The following ARHGAP26 variants were observed in gnomAD, a reference collection of about 807,000 sequenced individuals.
ARHGAP26 encodes the protein Rho GTPase activating protein 26.
ARHGAP26 carries 38 observed loss-of-function variants against 104.8 expected under a neutral mutation model. The ratio of observed to expected loss-of-function variants is 0.36; its 90% CI spans 0.28 to 0.48. The LOEUF is 0.48. ARHGAP26 is among the 20% of genes least tolerant of loss of function. The pLI is 0.99. For synonymous variants in ARHGAP26, 341 were observed against 340.0 expected (o/e 1.00, Z -0.03); for missense variants, 704 against 947.9 (o/e 0.74, Z 3.38).
chr5:142,836,798 C>T (rs953091962), intron 1 of ARHGAP26, among the ~76,000 whole-genome samples: 5 of 152,208 alleles, frequency 3.3e-5, no homozygotes, highest in Admixed American at 1.3e-4. Context: ...AGGCATTTTA[C>T]AGGTATTATT....
chr5:143,015,400 T>C (rs1779446363), intron 12 of ARHGAP26, among the ~76,000 whole-genome samples: 1 of 152,226 alleles, frequency 6.6e-6, no homozygotes, highest in Non-Finnish European at 1.5e-5. Context: ...TCTGGAGACC[T>C]AGGAACCCGG....
At chr5:142,792,361 G>T (rs1357745775) in intron 1 of ARHGAP26, among the ~76,000 whole-genome samples, 1 of 152,224 alleles carries the variant, frequency 6.6e-6, no homozygotes, top group African/African-American at 2.4e-5. Context: ...AATTTAAGCA[G>T]AAGAGACTGT....
intron 17 of ARHGAP26, among the ~76,000 whole-genome samples, chr5:143,090,707 G>C (rs1367988454): frequency 6.6e-6 from 1 of 152,178 alleles, no homozygotes; most frequent in Non-Finnish European, 1.5e-5. Context: ...TGTCCCTCTA[G>C]TAAAATGAAT....
chr5:142,870,656 G>T (rs1002421787), intron 1 of ARHGAP26, among the ~76,000 whole-genome samples: 1 of 152,218 alleles, frequency 6.6e-6, no homozygotes, highest in Non-Finnish European at 1.5e-5. Flanking sequence ...CTTGTGATGT[G>T]CAGAGTGCCT....
intron 14 of ARHGAP26, among the ~76,000 whole-genome samples, chr5:143,050,530 T>A (rs541448025): frequency 1.6e-4 from 25 of 152,364 alleles, no homozygotes; most frequent in Admixed American, 3.3e-4. Flanking sequence ...TTTCTTTTTT[T>A]ATGCCCCTTA....
chr5:142,988,512 T>C (rs1380365275), intron 11 of ARHGAP26, among the ~76,000 whole-genome samples: 1 of 152,166 alleles, frequency 6.6e-6, no homozygotes, highest in East Asian at 1.9e-4. Flanking sequence ...CTGATCTTAG[T>C]TATTTCTTGC....
At chr5:142,898,206 A>G (rs550152245) in intron 6 of ARHGAP26, among the ~76,000 whole-genome samples, 2 of 152,262 alleles carry the variant, frequency 1.3e-5, no homozygotes, top group Admixed American at 1.3e-4. Context: ...ATACACACAC[A>G]TACATATACA....
chr5:143,057,020 A>G (rs542402044), intron 16 of ARHGAP26, among the ~76,000 whole-genome samples: 1 of 152,352 alleles, frequency 6.6e-6, no homozygotes, highest in Non-Finnish European at 1.5e-5. Flanking sequence ...GAGTACCATC[A>G]GTCTATTTGC....
At chr5:143,149,235 C>T (rs1219603890) in intron 20 of ARHGAP26, among the ~76,000 whole-genome samples, 1 of 152,078 alleles carries the variant, frequency 6.6e-6, no homozygotes, top group Non-Finnish European at 1.5e-5. Flanking sequence ...TTCTAATTGT[C>T]TCTGGAGGAG....
intron 11 of ARHGAP26, among the ~76,000 whole-genome samples, chr5:142,964,631 C>A (rs1484216641): frequency 2.0e-5 from 3 of 151,904 alleles, no homozygotes; most frequent in Non-Finnish European, 2.9e-5. Context: ...TGGAGACATG[C>A]CAATATCAAG....
At position 142,880,020 on chromosome 5, in the gene ARHGAP26, A is replaced by T. The variant is rs1281027036; in HGVS notation, c.384+575A>T. ...ATGTGAAATTTCTTGTTGGCAAATA[A>T]TTTTAAAATATATATTACCCATTGT... is the stretch of plus-strand genomic sequence containing the variant. On this transcript the variant is annotated intron_variant, in intron 4 of 22. Transcript: ENST00000645722. 2.0e-5 allele frequency among the ~76,000 whole-genome samples: 3 copies of T among 152,332 alleles called. No individual in the cohort carries two copies. The East Asian group carries it at 5.8e-4, about 29-fold the overall frequency.
At chr5:142,905,805 A>G (rs184575996) in intron 8 of ARHGAP26, among the ~76,000 whole-genome samples, 50 of 152,342 alleles carry the variant, frequency 3.3e-4, no homozygotes, top group African/African-American at 1.1e-3. Context: ...TAAAATCGCA[A>G]TTGAACTCTT....
intron 17 of ARHGAP26, among the ~76,000 whole-genome samples, chr5:143,086,294 T>C (rs563117277): frequency 6.6e-6 from 1 of 152,322 alleles, no homozygotes; most frequent in South Asian, 2.1e-4. Context: ...AACCCATTGT[T>C]GATCATTTTT....
At chr5:143,143,936 G>T (rs1450794946) in intron 19 of ARHGAP26, among the ~76,000 whole-genome samples, 3 of 152,182 alleles carry the variant, frequency 2.0e-5, no homozygotes, top group African/African-American at 7.2e-5. Context: ...TGTTCTTGTT[G>T]CTGAGGTCTT....
In ARHGAP26 at chr5:143,096,223, T is replaced by G. The variant is rs377361812; in HGVS notation, c.1539-24765T>G. ...ATGCAGATCTTCCAATGCAAACATA[T>G]TACATCATATAACATCAAAAAATTA... On this transcript the variant is annotated intron_variant, in intron 17 of 22. Transcript: ENST00000645722. Among the ~76,000 whole-genome samples, 86 of 152,344 alleles carry G rather than the reference T, an allele frequency of 5.6e-4. 1 individual carries two copies. The highest frequency in any genetic ancestry group is 1.9e-3 in the African/African-American group (80 of 41,580).
At position 143,190,034 on chromosome 5, in the gene ARHGAP26, G is replaced by GA. The variant is rs1562580385; in HGVS notation, c.1989-17164_1989-17163insA. Among the ~76,000 whole-genome samples, 80 of 92,296 alleles carry GA rather than the reference G, an allele frequency of 8.7e-4. No homozygotes were observed. The East Asian group carries it at 0.012, about 14-fold the overall frequency. 60.5% of individuals were successfully genotyped at this position (92,296 alleles called of 152,430 possible). A position where few individuals can be genotyped will look rare whatever the true frequency, so the allele number is the denominator to read the frequency against. The stretch of plus-strand genomic sequence containing the variant: ...TCTTTGGAGGACAGAAGGAGGGGGG[G>GA]GAAAAAAAAAAAAAGACCTGGTTTC... On this transcript the variant is annotated intron_variant, in intron 20 of 22. Transcript: ENST00000645722.
At chr5:142,998,447 G>T (rs548648189) in intron 11 of ARHGAP26, among the ~76,000 whole-genome samples, 1 of 152,114 alleles carries the variant, frequency 6.6e-6, no homozygotes, top group Non-Finnish European at 1.5e-5. Flanking sequence ...CCTCCACTCT[G>T]GGGAGGGGAC....
chr5:142,804,602 G>A (rs1597695113), intron 1 of ARHGAP26, among the ~76,000 whole-genome samples: 1 of 151,598 alleles, frequency 6.6e-6, no homozygotes, highest in Non-Finnish European at 1.5e-5. Flanking sequence ...AGCAATTCTC[G>A]TGCCTCAGCC....
At position 143,225,541 on chromosome 5, in the gene ARHGAP26, CAT is replaced by C. The variant is rs1223950541; in HGVS notation, c.*3096_*3097del. The stretch of plus-strand genomic sequence containing the variant: ...TCCCATCATAAACTTACCTGGAGCT[CAT>C]GTGGAGGAACAGAAGGCCAAGATCC... On this transcript the variant is annotated 3_prime_UTR_variant, in exon 23 of 23. Transcript: ENST00000645722. 2 of 210,534 alleles carry C rather than the reference CAT, an allele frequency of 9.5e-6. No individual in the cohort carries two copies. The highest frequency in any genetic ancestry group is 1.2e-4 in the Admixed American group (2 of 16,988). The allele number at this position is 210,534 out of a possible 1,614,324, so 13.0% of individuals were successfully genotyped here.
Sources: allele counts gnomAD v4.1 joint callset (sites outside exome capture counted in the v4.1 genomes callset), GRCh38; gene constraint gnomAD v4.1.1; transcripts MANE v1.5; gene names NCBI Gene and HGNC (gene_info 2026-07-23, HGNC 2026-07-21).